Variants in SOX5 observed in about 807,000 individuals in gnomAD.
SOX5 encodes SRY-box transcription factor 5.
In SOX5, 9 loss-of-function variants were observed where a neutral mutation model predicts 92.0. The ratio of observed to expected loss-of-function variants is 0.10; its 90% CI spans 0.06 to 0.17. The LOEUF (loss-of-function observed/expected upper bound fraction) is 0.17, where lower values mean the gene tolerates loss of function less well. SOX5 is among the 10% of genes least tolerant of loss of function. SOX5 has a pLI of 1.00. For missense variants in SOX5, 642 were observed against 944.5 expected, an observed-to-expected ratio of 0.68 and a Z score of 4.20; for synonymous variants, 344 against 336.3, an observed-to-expected ratio of 1.02 and a Z score of -0.25.
chr12:24,171,220 TGTTTGTTTG>T lies in SOX5; in HGVS notation c.-2+42114_-2+42122del, dbSNP rs1565581192. 1.7e-4 allele frequency among the ~76,000 whole-genome samples: 11 copies of T among 65,874 alleles called. 2 individuals carry two copies. The highest frequency in any genetic ancestry group is 2.3e-4 in the African/African-American group (4 of 17,242). The allele number at this position is 65,874 out of a possible 152,430, so 43.2% of individuals were successfully genotyped here. On this transcript the variant is annotated intron_variant, in intron 4 of 4. Coordinates refer to the SOX5 transcript ENST00000446891. The stretch of plus-strand genomic sequence containing the variant: ...TCATTGGCCAACAGTTTTTTTTGTT[TGTTTGTTTG>T]TTTTTTTTTTTGGAGACAGAGTCTC...
intron 6 of SOX5, among the ~76,000 whole-genome samples, chr12:23,726,900 A>G (rs2093164049): frequency 6.6e-6 from 1 of 152,178 alleles, no homozygotes; most frequent in African/African-American, 2.4e-5. Context: ...TTCAGTTTAC[A>G]TGCAGATCTC....
chr12:23,890,441 A>C (rs1175636806), intron 2 of SOX5, among the ~76,000 whole-genome samples: 1 of 152,198 alleles, frequency 6.6e-6, no homozygotes, highest in Non-Finnish European at 1.5e-5. Flanking sequence ...ATTATTCAAC[A>C]ACCACAGGTG....
chr12:24,459,543 T>C (rs926745746), intron 1 of SOX5, among the ~76,000 whole-genome samples: 4 of 152,178 alleles, frequency 2.6e-5, no homozygotes, highest in African/African-American at 9.7e-5. Context: ...TATTGTTGAA[T>C]TAATTTATCG....
At position 24,314,404 on chromosome 12, in the gene SOX5, T is replaced by C. The variant is rs375951030; in HGVS notation, c.-173-37092A>G. 4.6e-5 allele frequency among the ~76,000 whole-genome samples: 7 copies of C among 151,286 alleles called. No individual in the cohort carries two copies. The East Asian group carries it at 1.4e-3, about 29-fold the overall frequency. ...GGGGGAGGGATAGCATTAAGAGATATACCTAATGTTAAATGACGAGTTAAT... is the reference window on the plus strand; with the variant it reads ...GGGGGAGGGATAGCATTAAGAGATACACCTAATGTTAAATGACGAGTTAAT... On this transcript the variant is annotated intron_variant, in intron 2 of 4. Transcript: ENST00000446891.
At chr12:23,876,068 T>C (rs977560144) in intron 2 of SOX5, among the ~76,000 whole-genome samples, 6 of 152,178 alleles carry the variant, frequency 3.9e-5, no homozygotes, top group African/African-American at 1.4e-4. Flanking sequence ...AGATAGATGA[T>C]GCTAATATAC....
intron 1 of SOX5, among the ~76,000 whole-genome samples, chr12:24,536,819 C>A (rs928249367): frequency 1.5e-4 from 23 of 152,154 alleles, no homozygotes; most frequent in African/African-American, 5.3e-4. Flanking sequence ...ATAAACACAG[C>A]TGAATTCAAG....
chr12:24,180,985 T>G (rs943876956), intron 4 of SOX5, among the ~76,000 whole-genome samples: 3 of 152,200 alleles, frequency 2.0e-5, no homozygotes, highest in African/African-American at 7.2e-5. Flanking sequence ...GCCATTAGAA[T>G]GATTCTGGTG....
At chr12:23,620,008 T>G (rs1288503766) in intron 8 of SOX5, among the ~76,000 whole-genome samples, 1 of 152,094 alleles carries the variant, frequency 6.6e-6, no homozygotes, top group African/African-American at 2.4e-5. Context: ...AAATCCCAAA[T>G]GTGCAAAATA....
intron 3 of SOX5, among the ~76,000 whole-genome samples, chr12:24,248,935 G>A (rs1011627776): frequency 6.6e-6 from 1 of 152,182 alleles, no homozygotes; most frequent in African/African-American, 2.4e-5. Context: ...AGTATATAGA[G>A]AAAGGCTAAA....
At chr12:24,293,639 A>G (rs1290700233) in intron 2 of SOX5, among the ~76,000 whole-genome samples, 1 of 152,212 alleles carries the variant, frequency 6.6e-6, no homozygotes, top group Admixed American at 6.5e-5. Context: ...AGAGACAGAC[A>G]TTAATATTCC....
At chr12:24,380,736 T>C (rs1331819419) in intron 1 of SOX5, among the ~76,000 whole-genome samples, 1 of 152,210 alleles carries the variant, frequency 6.6e-6, no homozygotes. Context: ...TTGATATATT[T>C]TTTTTAAAGG....
intron 1 of SOX5, among the ~76,000 whole-genome samples, chr12:24,492,215 AG>A (rs1328597030): frequency 6.6e-6 from 1 of 152,234 alleles, no homozygotes; most frequent in Non-Finnish European, 1.5e-5. Flanking sequence ...GTTCAAGGGT[AG>A]TACCAACGAA....
chr12:24,329,773 A>G (rs531326885), intron 2 of SOX5, among the ~76,000 whole-genome samples: 1 of 152,356 alleles, frequency 6.6e-6, no homozygotes, highest in East Asian at 1.9e-4. Flanking sequence ...CTGTAATCCT[A>G]GCACTTTGGG....
chr12:24,212,363 C>A, intron 4 of SOX5: 1 of 529,678 alleles, frequency 1.9e-6, no homozygotes, highest in South Asian at 1.4e-5. Flanking sequence ...GAGATCTGAT[C>A]ACACTGAAGG....
At chr12:24,475,131 G>A (rs868280162) in intron 1 of SOX5, among the ~76,000 whole-genome samples, 2 of 152,120 alleles carry the variant, frequency 1.3e-5, no homozygotes, top group East Asian at 3.9e-4. Context: ...GAGCCACTGC[G>A]CCCAGCCCTT....
At chr12:23,807,321 A>T (rs2095797832) in intron 3 of SOX5, among the ~76,000 whole-genome samples, 1 of 152,198 alleles carries the variant, frequency 6.6e-6, no homozygotes, top group Non-Finnish European at 1.5e-5. Context: ...CACTTCATTA[A>T]GGTCTTTGCA....
At chr12:24,181,891 C>T (rs1450670941) in intron 4 of SOX5, among the ~76,000 whole-genome samples, 1 of 152,120 alleles carries the variant, frequency 6.6e-6, no homozygotes, top group Admixed American at 6.5e-5. Flanking sequence ...AGAATATGGT[C>T]TAGATTTTTC....
intron 4 of SOX5, among the ~76,000 whole-genome samples, chr12:24,159,032 G>A (rs534618135): frequency 1.3e-5 from 2 of 151,970 alleles, no homozygotes; most frequent in East Asian, 3.9e-4. Context: ...TTGAAAAATG[G>A]CATTAATTTG....
chr12:24,206,693 T>C (rs1358082818), intron 4 of SOX5, among the ~76,000 whole-genome samples: 1 of 152,160 alleles, frequency 6.6e-6, no homozygotes, highest in African/African-American at 2.4e-5. Flanking sequence ...ACCTTCCACC[T>C]TGGATGGGGA....
Sources: allele counts gnomAD v4.1 joint callset (sites outside exome capture counted in the v4.1 genomes callset), GRCh38; gene constraint gnomAD v4.1.1; transcripts MANE v1.5; gene names NCBI Gene and HGNC (gene_info 2026-07-23, HGNC 2026-07-21).